CADPS2: variants seen among roughly 807,000 people sequenced by gnomAD.
CADPS2 encodes calcium-dependent secretion activator 2.
A neutral mutation model predicts 172.5 loss-of-function variants in CADPS2; 93 were observed. The observed-to-expected ratio is 0.54, with a 90% CI of 0.46 to 0.64. The LOEUF (loss-of-function observed/expected upper bound fraction) is 0.64. Ranked by LOEUF, CADPS2 falls within the 30% of genes least tolerant of loss-of-function variation. The pLI is 0.00. For synonymous variants in CADPS2, 546 were observed against 555.2 expected, an observed-to-expected ratio of 0.98 and a Z score of 0.23; for missense variants, 1,420 against 1,565.9, an observed-to-expected ratio of 0.91 and a Z score of 1.57.
chr7:122,480,908 G>T, intron 11 of CADPS2, 48 bp from the exon 12 acceptor site: 1 of 1,433,512 alleles, frequency 7.0e-7, no homozygotes, highest in Non-Finnish European at 9.4e-7. Context: ...TAAATGGGTT[G>T]GGAACTATAT....
chr7:122,715,199 T>G (rs1409293063), intron 2 of CADPS2, among the ~76,000 whole-genome samples: 1 of 152,196 alleles, frequency 6.6e-6, no homozygotes, highest in Non-Finnish European at 1.5e-5. Context: ...ATTCACATTG[T>G]TCAGGGATTG....
chr7:122,455,051 GCCAAA>G (rs1161749051), intron 14 of CADPS2, among the ~76,000 whole-genome samples: 29 of 152,076 alleles, frequency 1.9e-4, no homozygotes, highest in Admixed American at 3.3e-4. Context: ...CAAGGTAAAA[GCCAAA>G]GCCTTTATAA....
Position 122,393,335 on chromosome 7 carries a change from G to T in CADPS2, c.2889-20C>A, listed in dbSNP as rs368074922. On this transcript the variant is annotated intron_variant, in intron 21 of 29. Transcript: ENST00000449022. ...ATATTCCTGTAAAGAAACAAACAAC[G>T]TGGGAAGGGACCACCATAAGCGATA... 4 of 1,613,624 alleles carry T rather than the reference G, an allele frequency of 2.5e-6. No individual in the cohort carries two copies. In the African/African-American group the frequency reaches 5.3e-5, roughly 22 times the overall value.
chr7:122,703,540 T>C (rs2086500227), intron 2 of CADPS2, among the ~76,000 whole-genome samples: 1 of 152,148 alleles, frequency 6.6e-6, no homozygotes, highest in Non-Finnish European at 1.5e-5. Context: ...GGTAAGAACC[T>C]ACTATGTGCT....
intron 6 of CADPS2, among the ~76,000 whole-genome samples, chr7:122,609,494 T>G (rs973968297): frequency 6.6e-6 from 1 of 152,168 alleles, no homozygotes; most frequent in Non-Finnish European, 1.5e-5. Context: ...AACAGGAATT[T>G]TCTCCATAAC....
intron 8 of CADPS2, among the ~76,000 whole-genome samples, chr7:122,531,780 C>T (rs1042328985): frequency 1.3e-5 from 2 of 152,100 alleles, no homozygotes; most frequent in Non-Finnish European, 2.9e-5. Context: ...CTCCTGTTGT[C>T]CCAGCACTTT....
intron 28 of CADPS2, among the ~76,000 whole-genome samples, chr7:122,326,375 ATGTC>A (rs985411647): frequency 1.3e-5 from 2 of 152,082 alleles, no homozygotes; most frequent in Non-Finnish European, 1.5e-5. Context: ...CTGCTCCTAT[ATGTC>A]TGTCAGTCTA....
intron 3 of CADPS2, among the ~76,000 whole-genome samples, chr7:122,655,451 A>G (rs1331180050): frequency 6.6e-6 from 1 of 152,192 alleles, no homozygotes; most frequent in Non-Finnish European, 1.5e-5. Context: ...CAAAAAGATT[A>G]TGACTTGCTG....
At chr7:122,713,485 T>A (rs1220504340) in intron 2 of CADPS2, among the ~76,000 whole-genome samples, 2 of 152,124 alleles carry the variant, frequency 1.3e-5, no homozygotes, top group East Asian at 3.9e-4. Context: ...ATACACAAAC[T>A]GATGTGTGTT....
At chr7:122,409,840 T>G (rs1360890805) in intron 19 of CADPS2, among the ~76,000 whole-genome samples, 2 of 152,038 alleles carry the variant, frequency 1.3e-5, no homozygotes, top group African/African-American at 2.4e-5. Flanking sequence ...AGCATCAAGG[T>G]CTCCACCAGG....
chr7:122,378,309 A>G (rs1319994968), intron 25 of CADPS2, among the ~76,000 whole-genome samples: 1 of 152,152 alleles, frequency 6.6e-6, no homozygotes, highest in Non-Finnish European at 1.5e-5. Flanking sequence ...AATGTACTTG[A>G]TGTATTTCCA....
Position 122,663,357 on chromosome 7 carries a change from A to G in CADPS2, c.666T>C (p.Asn222=), listed in dbSNP as rs377715881. 72 of 1,613,826 alleles carry G rather than the reference A, an allele frequency of 4.5e-5. No individual in the cohort carries two copies. The highest frequency in any genetic ancestry group is 4.2e-5 in the Non-Finnish European group (50 of 1,179,890). The change falls in exon 3 of 30, where the codon AAT becomes AAC. Residue 222 remains asparagine (N), a synonymous_variant. Coordinates refer to ENST00000449022, the MANE Select transcript of CADPS2 (RefSeq NM_017954.11). The stretch of plus-strand genomic sequence containing the variant: ...CAGACACTGCACTTAGGGCCATTCT[A>G]TTTGGCTGTTTGCACAAGTCCTCTT... ...RGEEDLCKQP[N]RMALSAVSEL...
intron 1 of CADPS2, among the ~76,000 whole-genome samples, chr7:122,822,823 AC>A (rs1042788014): frequency 1.7e-4 from 25 of 150,566 alleles, no homozygotes; most frequent in Non-Finnish European, 1.5e-5. Flanking sequence ...CCGCCAGAGA[AC>A]CCCCCTTTGA....
chr7:122,445,636 A>G (rs1327533161), intron 15 of CADPS2, among the ~76,000 whole-genome samples: 2 of 152,112 alleles, frequency 1.3e-5, no homozygotes, highest in African/African-American at 4.8e-5. Context: ...TGGGCAACAT[A>G]GGGAGATCCC....
chr7:122,798,826 A>G (rs1796954482), intron 1 of CADPS2, among the ~76,000 whole-genome samples: 1 of 151,878 alleles, frequency 6.6e-6, no homozygotes, highest in Admixed American at 6.6e-5. Flanking sequence ...ACTTATGTAC[A>G]CTTGCCTCAA....
chr7:122,867,775 A>G (rs993135821), intron 1 of CADPS2, among the ~76,000 whole-genome samples: 4 of 152,194 alleles, frequency 2.6e-5, no homozygotes, highest in African/African-American at 7.2e-5. Context: ...TTCCAGACCC[A>G]TGGAAAATCT....
chr7:122,586,676 G>A (rs1420690021), intron 6 of CADPS2, among the ~76,000 whole-genome samples: 1 of 151,886 alleles, frequency 6.6e-6, no homozygotes, highest in East Asian at 1.9e-4. Flanking sequence ...GGGAGGTGGT[G>A]TCTCTGTTAA....
intron 22 of CADPS2, among the ~76,000 whole-genome samples, chr7:122,391,989 T>A (rs960474467): frequency 6.6e-6 from 1 of 152,160 alleles, no homozygotes; most frequent in Non-Finnish European, 1.5e-5. Flanking sequence ...CTTAGTTTCC[T>A]TAACTGTAAA....
At chr7:122,556,906 A>G (rs1175361713) in intron 7 of CADPS2, among the ~76,000 whole-genome samples, 1 of 151,978 alleles carries the variant, frequency 6.6e-6, no homozygotes, top group African/African-American at 2.4e-5. Flanking sequence ...TTCTTTCCCT[A>G]GAGTATGCAA....
Sources: gnomAD v4.1 joint callset for allele counts (sites outside exome capture counted in the v4.1 genomes callset) on GRCh38, gnomAD v4.1.1 for gene constraint, MANE v1.5 for transcripts, NCBI Gene and HGNC (gene_info 2026-07-23, HGNC 2026-07-21) for gene names.